The following MAP3K19 variants were observed in gnomAD, a reference collection of about 807,000 sequenced individuals.
MAP3K19 encodes the protein mitogen-activated protein kinase kinase kinase 19, also known as SPS1/STE20-related protein kinase YSK4.
In MAP3K19, 91 loss-of-function variants were observed where a neutral mutation model predicts 114.4. The ratio of observed to expected loss-of-function variants is 0.80; its 90% CI spans 0.67 to 0.95. The LOEUF is 0.95. MAP3K19 is among the 40% of genes least tolerant of loss of function. The pLI is 0.00. For synonymous variants in MAP3K19, 518 were observed against 530.5 expected, an observed-to-expected ratio of 0.98 and a Z score of 0.32; for missense variants, 1,471 against 1,573.2, an observed-to-expected ratio of 0.94 and a Z score of 1.10.
intron 12 of MAP3K19, among the ~76,000 whole-genome samples, chr2:134,969,158 G>A (rs1242004552): frequency 2.0e-5 from 3 of 150,536 alleles, no homozygotes; most frequent in Admixed American, 2.0e-4. Flanking sequence ...GACCGGCCCA[G>A]CCAACACAGC....
intron 12 of MAP3K19, among the ~76,000 whole-genome samples, chr2:134,968,704 C>T (rs1184759437): frequency 6.6e-6 from 1 of 151,340 alleles, no homozygotes; most frequent in Non-Finnish European, 1.5e-5. Context: ...CTCCTTACAT[C>T]CCAGATGGGG....
chr2:135,019,829 A>G (rs1687846836), intron 5 of MAP3K19, among the ~76,000 whole-genome samples: 1 of 152,056 alleles, frequency 6.6e-6, no homozygotes, highest in South Asian at 2.1e-4. Flanking sequence ...AGTTTGTTGT[A>G]CATCTTGGGT....
intron 5 of MAP3K19, among the ~76,000 whole-genome samples, chr2:135,012,255 G>A (rs542840545): frequency 6.7e-6 from 1 of 150,270 alleles, no homozygotes; most frequent in African/African-American, 2.4e-5. Flanking sequence ...GATGCCAGTT[G>A]CATTCTCCCC....
At chr2:135,033,393 G>A (rs544484146) in intron 2 of MAP3K19, among the ~76,000 whole-genome samples, 12 of 107,976 alleles carry the variant, frequency 1.1e-4, no homozygotes, top group African/African-American at 2.4e-4. Flanking sequence ...CTGCCCTCCC[G>A]GACGGGGCGG....
chr2:134,968,978 T>C (rs1683652686), intron 12 of MAP3K19, among the ~76,000 whole-genome samples: 1 of 152,046 alleles, frequency 6.6e-6, no homozygotes, highest in Non-Finnish European at 1.5e-5. Context: ...AATCTGGGCA[T>C]TTTGGGAGGC....
intron 4 of MAP3K19, chr2:135,023,793 T>C (rs1574045043): frequency 3.2e-6 from 1 of 309,852 alleles, no homozygotes. Flanking sequence ...TAGAGATCCC[T>C]GCCTTTTCCC....
In MAP3K19 at chr2:134,987,696, G is replaced by T; in HGVS notation, c.1176C>A (p.Ser392Arg). The stretch of plus-strand genomic sequence containing the variant: ...CTGAATGCTGGGTTTCTTGGAACTT[G>T]CTTGGAATGGTACATACTATTTCTG... ...QDPEIVCTIP[S>R]KFQETQHSEI... The change falls in exon 10 of 13, where the codon AGC (serine) becomes AGA (arginine). Residue 392 changes from serine (S) to arginine (R), a missense_variant. Ser to Arg is a moderately radical substitution (Grantham distance 110, BLOSUM62 -1). Coordinates refer to ENST00000392915, the MANE Select transcript of MAP3K19 (RefSeq NM_025052.5). 3.1e-6 allele frequency: 5 copies of T among 1,613,058 alleles called. No individual in the cohort carries two copies. The highest frequency in any genetic ancestry group is 3.4e-6 in the Non-Finnish European group (4 of 1,180,012).
In MAP3K19 at chr2:134,981,117, G is replaced by T; in HGVS notation, c.3624C>A (p.Ala1208=). ...TTAAACCTGCCCAGGCCAAACGCCT[G>T]GCACAGCCAAAGTCAATCAGCTTTA... The part of the protein sequence containing the change: ...GIIKLIDFGC[A]RRLAWAGLNG... Residue 1208 remains alanine (A), a synonymous_variant, in exon 12 of 13, where the codon GCC becomes GCA. Transcript: ENST00000392915. 6.2e-7 allele frequency: 1 copy of T among 1,614,204 alleles called. No individual in the cohort carries two copies.
chr2:135,009,305 G>C (rs1372523379), intron 5 of MAP3K19, among the ~76,000 whole-genome samples: 3 of 151,926 alleles, frequency 2.0e-5, no homozygotes, highest in African/African-American at 7.2e-5. Flanking sequence ...AGATGGAATT[G>C]GTCTTCTTAT....
rs752609319 is a variant in MAP3K19, at chr2:134,986,003, T to C, written c.2869A>G (p.Met957Val). Residue 957 changes from methionine to valine, a missense_variant, in exon 10 of 13, where the codon ATG (methionine) becomes GTG (valine). Transcript: ENST00000392915. ...AATTCTTCATTATTTACAGAGTCCA[T>C]AATTTCTTGGGAAATTGAATTTGTG... The part of the protein sequence containing the change: ...SGTNSISQEI[M>V]DSVNNEELTD... 1 of 1,613,390 alleles carries C rather than the reference T, an allele frequency of 6.2e-7. No individual in the cohort carries two copies. Among genetic ancestry groups the C allele is most frequent in the Admixed American group, 1.7e-5 (1 of 59,894 alleles).
intron 5 of MAP3K19, among the ~76,000 whole-genome samples, chr2:135,011,536 CAAA>C (rs61361416): frequency 6.3e-5 from 5 of 79,216 alleles, no homozygotes; most frequent in Non-Finnish European, 5.7e-5. Flanking sequence ...GACTCTGTCT[CAAA>C]AAAAAAAAAA....
intron 8 of MAP3K19, among the ~76,000 whole-genome samples, chr2:134,997,821 A>AAAAAAAAAAAAAAAAAAAAAAAAAAAC (rs1482939296): frequency 1.4e-5 from 2 of 142,594 alleles, no homozygotes; most frequent in Non-Finnish European, 3.0e-5. Flanking sequence ...CCGTCTCAAA[A>AAAAAAAAAAAAAAAAAAAAAAAAAAAC]AAAAAAAAAC....
At chr2:135,025,272 T>A (rs1688207953) in intron 3 of MAP3K19, among the ~76,000 whole-genome samples, 1 of 151,922 alleles carries the variant, frequency 6.6e-6, no homozygotes. Context: ...CATAGAATCT[T>A]CTCTTTAAAA....
chr2:134,981,365 A>G lies in MAP3K19; in HGVS notation c.3376T>C (p.Tyr1126His), dbSNP rs1684645453. The change falls in exon 12 of 13, where the codon TAT (tyrosine) becomes CAT (histidine). Residue 1126 changes from tyrosine to histidine, a missense_variant. By Grantham distance (83) the Tyr-to-His change is moderately conservative. Transcript: ENST00000392915. ...KALKHVNIVA[Y>H]LGTCLQENTV... ...TTCTCTTGCAAGCATGTCCCCAAAT[A>G]GGCCACAATGTTGACATGTTTCAGT... The G allele has an allele frequency of 1.2e-6, 2 of 1,614,096 alleles. No individual in the cohort carries two copies. The highest frequency in any genetic ancestry group is 2.7e-5 in the African/African-American group (2 of 74,932).
Position 134,981,465 on chromosome 2 carries a change from AG to A in MAP3K19, c.3275del (p.Ala1092ValfsTer8). 1 of 1,614,232 alleles carries A rather than the reference AG, an allele frequency of 6.2e-7. No individual in the cohort carries two copies. Among genetic ancestry groups the A allele is most frequent in the African/African-American group, 1.3e-5 (1 of 75,066 alleles). ...QGQLIAVKQV[A>X]LDTSNKLAAE... ...CAGCTAATTTATTAGAGGTATCCAAAGCCACCTGTTTTACAGCTATTAGCTG... is the reference window on the plus strand; with the variant it reads ...CAGCTAATTTATTAGAGGTATCCAAACCACCTGTTTTACAGCTATTAGCTG... On this transcript the variant is annotated frameshift_variant, in exon 12 of 13. Coordinates refer to ENST00000392915, the MANE Select transcript of MAP3K19 (RefSeq NM_025052.5). LOFTEE classifies it high-confidence loss of function.
At chr2:135,000,041 A>G (rs1336173721) in intron 6 of MAP3K19, 26 bp from the exon 7 acceptor site, 1 of 1,449,018 alleles carries the variant, frequency 6.9e-7, no homozygotes, top group Non-Finnish European at 9.7e-7. Context: ...ACAGTAGTAG[A>G]AGGAAGAAAG....
chr2:135,018,570 C>G (rs910469395), intron 5 of MAP3K19, among the ~76,000 whole-genome samples: 11 of 152,178 alleles, frequency 7.2e-5, no homozygotes, highest in Non-Finnish European at 1.6e-4. Context: ...CTCTTGCCCC[C>G]ACAAAGTGAT....
At chr2:134,992,441 C>T (rs996210212) in intron 8 of MAP3K19, among the ~76,000 whole-genome samples, 1 of 152,164 alleles carries the variant, frequency 6.6e-6, no homozygotes, top group Non-Finnish European at 1.5e-5. Flanking sequence ...GAACCACCAC[C>T]ACCACCACTT....
chr2:134,971,765 C>T (rs1683895794), intron 12 of MAP3K19, among the ~76,000 whole-genome samples: 1 of 151,254 alleles, frequency 6.6e-6, no homozygotes, highest in African/African-American at 2.4e-5. Flanking sequence ...TGTTATGTCT[C>T]CTTTTTTGTT....
Sources: allele counts gnomAD v4.1 joint callset (sites outside exome capture counted in the v4.1 genomes callset), GRCh38; gene constraint gnomAD v4.1.1; transcripts MANE v1.5; gene names NCBI Gene and HGNC (gene_info 2026-07-23, HGNC 2026-07-21).